Variants in EPN3 observed in about 807,000 individuals in gnomAD.
EPN3 encodes the protein epsin-3.
EPN3 carries 56 observed loss-of-function variants against 55.5 expected under a neutral mutation model. The ratio of observed to expected loss-of-function variants is 1.01; its 90% CI spans 0.81 to 1.26. The LOEUF (loss-of-function observed/expected upper bound fraction) is 1.26, where lower values mean the gene tolerates loss of function less well. Ranked by LOEUF, EPN3 falls within the 50% of genes most tolerant of loss-of-function variation. The probability of loss-of-function intolerance (pLI) is 0.00; values close to 1 mark genes in which losing one functional copy is unlikely to be tolerated. For missense variants in EPN3, 927 were observed against 853.4 expected (o/e 1.09, Z -1.07); for synonymous variants, 449 against 375.2 (o/e 1.20, Z -2.27).
chr17:50,534,357 C>G (rs1051954674), intron 1 of EPN3: 3 of 962,292 alleles, frequency 3.1e-6, no homozygotes, highest in African/African-American at 1.8e-5. Flanking sequence ...CTGGTGCCCC[C>G]ACACAGGCCA....
chr17:50,542,035 C>T lies in EPN3; in HGVS notation c.1777C>T (p.Pro593Ser). The change falls in exon 10 of 10, where the codon CCC becomes TCC. Residue 593 changes from proline (P) to serine (S), a missense_variant. Pro to Ser is a moderately conservative substitution (Grantham distance 74). Transcript: ENST00000268933. Reference sequence around the variant, plus strand: ...CAGCGTGCCAGCTGGCTTGACCCTCCCCGCCTCGGTTAGCGTCTTCCCGCA... The same window carrying T: ...CAGCGTGCCAGCTGGCTTGACCCTCTCCGCCTCGGTTAGCGTCTTCCCGCA... ...LSSVPAGLTL[P>S]ASVSVFPQAG... The T allele has an allele frequency of 6.3e-7, 1 of 1,596,288 alleles. No homozygotes were observed. The highest frequency in any genetic ancestry group is 8.5e-7 in the Non-Finnish European group (1 of 1,178,520).
rs918028790 is a variant in EPN3 at position 50,537,180 on chromosome 17, G to A, written c.562+62G>A. ...TGGCCCGACTTCCATTCCTGGCTCT[G>A]CAATCCAAGCCATGGTTCATAATAC... On this transcript the variant is annotated intron_variant, in intron 2 of 9. Coordinates refer to ENST00000268933, the MANE Select transcript of EPN3 (RefSeq NM_017957.3). 3 of 1,452,894 alleles carry A rather than the reference G, an allele frequency of 2.1e-6. No homozygotes were observed. The African/African-American group carries it at 4.2e-5, about 20-fold the overall frequency. The allele number at this position is 1,452,894 out of a possible 1,614,324, so 90.0% of individuals were successfully genotyped here.
chr17:50,536,979 G>C lies in EPN3; in HGVS notation c.423G>C (p.Arg141=), dbSNP rs779291090. The change falls in exon 2 of 10, where the codon CGG becomes CGC. Residue 141 remains arginine, a synonymous_variant. Coordinates refer to ENST00000268933, the MANE Select transcript of EPN3 (RefSeq NM_017957.3). ...TGCTCAAGGATGAGGAGCGGCTGCGGCAGGAGCGAACCCACGCCCTCAAGA... is the reference window on the plus strand; with the variant it reads ...TGCTCAAGGATGAGGAGCGGCTGCGCCAGGAGCGAACCCACGCCCTCAAGA... ...MALLKDEERL[R]QERTHALKTK... is the part of the protein sequence containing the mutation. 1.2e-6 allele frequency: 2 copies of C among 1,613,814 alleles called. No homozygotes were observed. Among genetic ancestry groups the C allele is most frequent in the East Asian group, 4.5e-5 (2 of 44,888 alleles).
rs147371354 is a variant in EPN3 at position 50,541,584 on chromosome 17, C to A, written c.1475C>A (p.Ala492Asp). 6.2e-7 allele frequency: 1 copy of A among 1,614,190 alleles called. No individual in the cohort carries two copies. The highest frequency in any genetic ancestry group is 1.1e-5 in the South Asian group (1 of 91,088). ...ALTQPSKEAR[A>D]CRTPESFLGP... ...ACCCAGCCAAGCAAAGAGGCCCGAG[C>A]TTGCCGGACTCCCGAGTCCTTCCTG... is the stretch of plus-strand genomic sequence containing the variant. The change falls in exon 9 of 10, where the codon GCT becomes GAT. Residue 492 changes from alanine (A) to aspartate (D), a missense_variant. Physicochemically the swap from Ala to Asp is moderately radical, Grantham distance 126. Transcript: ENST00000268933.
At chr17:50,538,461 A>G (rs973678490) in intron 3 of EPN3, 5 of 518,226 alleles carry the variant, frequency 9.6e-6, no homozygotes, top group Admixed American at 3.5e-5. Context: ...CTACCACCTC[A>G]TGGTGGAGTG....
rs1246592681 is a variant in EPN3 at position 50,542,016 on chromosome 17, G to A, written c.1758G>A (p.Val586=). The change falls in exon 10 of 10, where the codon GTG becomes GTA. Residue 586 remains valine (V), a synonymous_variant. Transcript: ENST00000268933. ...SASLPLPLSS[V]PAGLTLPASV... ...CTCTGCCCCTCCCGCTCAGCAGCGT[G>A]CCAGCTGGCTTGACCCTCCCCGCCT... is the stretch of plus-strand genomic sequence containing the variant. 3 of 1,597,602 alleles carry A rather than the reference G, an allele frequency of 1.9e-6. No homozygotes were observed. The African/African-American group carries it at 4.0e-5, about 21-fold the overall frequency.
chr17:50,538,006 C>A, intron 2 of EPN3, 73 bp from the exon 3 acceptor site: 2 of 1,277,206 alleles, frequency 1.6e-6, no homozygotes, highest in Non-Finnish European at 2.3e-6. Context: ...TGAGCCTCAG[C>A]TTCCTGGCAG....
At position 50,541,929 on chromosome 17, in the gene EPN3, G is replaced by A. The variant is rs112657244; in HGVS notation, c.1671G>A (p.Pro557=). 160,768 of 1,599,510 alleles carry A rather than the reference G, an allele frequency of 0.1. 9,246 individuals carry two copies. Among genetic ancestry groups the A allele is most frequent in the Non-Finnish European group, 0.12 (138,868 of 1,178,168 alleles). Residue 557 remains proline (P), a synonymous_variant, in exon 10 of 10, where the codon CCG becomes CCA. Transcript: ENST00000268933. ...TAAACCAGATGCGCACCGGCTCGCC[G>A]GCGCTGGGCCTGGCAGGCGGGCCTG... ...PTLNQMRTGS[P]ALGLAGGPVG...
At position 50,536,897 on chromosome 17, in the gene EPN3, G is replaced by GC. The variant is rs774446630; in HGVS notation, c.342dup (p.Asp115ArgfsTer23). Reference sequence around the variant, plus strand: ...CTCAAGGACTTCCAGTACATCGACCGCGACGGCAAGGACCAGGGCGTCAAC... The same window carrying GC: ...CTCAAGGACTTCCAGTACATCGACCGCCGACGGCAAGGACCAGGGCGTCAAC... On this transcript the variant is annotated frameshift_variant, in exon 2 of 10. Coordinates refer to ENST00000268933, the MANE Select transcript of EPN3 (RefSeq NM_017957.3). LOFTEE classifies it high-confidence loss of function. 6.2e-7 allele frequency: 1 copy of GC among 1,614,100 alleles called. No individual in the cohort carries two copies. The highest frequency in any genetic ancestry group is 1.1e-5 in the South Asian group (1 of 91,080).
chr17:50,537,108 C>T lies in EPN3; in HGVS notation c.552C>T (p.Ser184=). Residue 184 remains serine, a synonymous_variant, in exon 2 of 10, where the codon TCC becomes TCT. Coordinates refer to ENST00000268933, the MANE Select transcript of EPN3 (RefSeq NM_017957.3). ...EDYSRSRGSP[S]SYNSSSSSPR... is the part of the protein sequence containing the mutation. ...ACAGCCGCTCCCGGGGCTCCCCGTC[C>T]TCCTACAACTGTGAGTAAGCCCCGG... 6.3e-7 allele frequency: 1 copy of T among 1,599,474 alleles called. No homozygotes were observed. Among genetic ancestry groups the T allele is most frequent in the Non-Finnish European group, 8.5e-7 (1 of 1,174,310 alleles).
At chr17:50,538,614 G>A (rs2034798426) in intron 3 of EPN3, 3 of 437,196 alleles carry the variant, frequency 6.9e-6, no homozygotes, top group Non-Finnish European at 1.2e-5. Context: ...GGAAGACCAG[G>A]CAGGAAGCAG....
Position 50,542,031 on chromosome 17 carries a change from C to T in EPN3, c.1773C>T (p.Thr591=). 6.3e-7 allele frequency: 1 copy of T among 1,596,282 alleles called. No homozygotes were observed. The highest frequency in any genetic ancestry group is 8.5e-7 in the Non-Finnish European group (1 of 1,178,458). The change falls in exon 10 of 10, where the codon ACC becomes ACT. Residue 591 remains threonine, a synonymous_variant. Coordinates refer to ENST00000268933, the MANE Select transcript of EPN3 (RefSeq NM_017957.3). ...TCAGCAGCGTGCCAGCTGGCTTGAC[C>T]CTCCCCGCCTCGGTTAGCGTCTTCC... ...LPLSSVPAGL[T]LPASVSVFPQ...
At position 50,542,261 on chromosome 17, in the gene EPN3, C is replaced by T; in HGVS notation, c.*104C>T. 1 of 1,245,184 alleles carries T rather than the reference C, an allele frequency of 8.0e-7. No individual in the cohort carries two copies. The highest frequency in any genetic ancestry group is 1.7e-5 in the South Asian group (1 of 57,388). The allele number at this position is 1,245,184 out of a possible 1,614,324, so 77.1% of individuals were successfully genotyped here. On this transcript the variant is annotated 3_prime_UTR_variant, in exon 10 of 10. Coordinates refer to ENST00000268933, the MANE Select transcript of EPN3 (RefSeq NM_017957.3). ...GCGCCGGTGCTAGTGGAACGCCGAG[C>T]CAGTGGCGGCTGGTATCCCGCGGCG...
At chr17:50,540,442 C>A in intron 6 of EPN3, 108 bp downstream of exon 6, 1 of 1,024,192 alleles carries the variant, frequency 9.8e-7, no homozygotes, top group Non-Finnish European at 1.4e-6. Context: ...TGTCACCGGG[C>A]AAGTCACTCA....
At position 50,538,332 on chromosome 17, in the gene EPN3, T is replaced by A. The variant is rs1459527806; in HGVS notation, c.681+135T>A. On this transcript the variant is annotated intron_variant, in intron 3 of 9. Transcript: ENST00000268933. ...GTGCCCAAGGACAGCACAAGACCCA[T>A]TATCTCTGTCGGTTTGTCGCAGGCA... is the stretch of plus-strand genomic sequence containing the variant. 1.1e-5 allele frequency: 7 copies of A among 650,832 alleles called. No individual in the cohort carries two copies. In the Admixed American group the frequency reaches 2.0e-4, roughly 19 times the overall value. 40.3% of individuals were successfully genotyped at this position (650,832 alleles called of 1,614,324 possible).
rs1231530469 is a variant in EPN3, at chr17:50,536,870, C to A, written c.314C>A (p.Thr105Lys). The A allele has an allele frequency of 6.2e-7, 1 of 1,614,078 alleles. No homozygotes were observed. The highest frequency in any genetic ancestry group is 1.3e-5 in the African/African-American group (1 of 74,924). The change falls in exon 2 of 10, where the codon ACA (threonine) becomes AAA (lysine). Residue 105 changes from threonine (T) to lysine (K), a missense_variant. Coordinates refer to ENST00000268933, the MANE Select transcript of EPN3 (RefSeq NM_017957.3). ...QCRENLYTIQ[T>K]LKDFQYIDRD... ...CGCGAGAACCTCTACACCATCCAGA[C>A]ACTCAAGGACTTCCAGTACATCGAC...
Position 50,532,790 on chromosome 17 carries a change from C to A in EPN3, c.-332C>A. Reference sequence around the variant, plus strand: ...AACGCACGCGGGAAGAGCTGCTACCCATTCCAGGGACCCTGCCGCTGCCCC... The same window carrying A: ...AACGCACGCGGGAAGAGCTGCTACCAATTCCAGGGACCCTGCCGCTGCCCC... On this transcript the variant is annotated 5_prime_UTR_variant, in exon 1 of 10. Coordinates refer to ENST00000268933, the MANE Select transcript of EPN3 (RefSeq NM_017957.3). The A allele has an allele frequency of 1.1e-6, 1 of 887,230 alleles. No individual in the cohort carries two copies. Among genetic ancestry groups the A allele is most frequent in the Non-Finnish European group, 1.5e-6 (1 of 649,336 alleles). The allele number at this position is 887,230 out of a possible 1,614,324, so 55.0% of individuals were successfully genotyped here.
At chr17:50,539,150 C>A in intron 4 of EPN3, 37 bp from the exon 5 acceptor site, 1 of 1,611,628 alleles carries the variant, frequency 6.2e-7, no homozygotes, top group Non-Finnish European at 8.5e-7. Flanking sequence ...CCCGCCTGAG[C>A]TGCTCATGCT....
At chr17:50,538,620 A>G in intron 3 of EPN3, 1 of 439,328 alleles carries the variant, frequency 2.3e-6, no homozygotes, top group Non-Finnish European at 4.1e-6. Context: ...CCAGGCAGGA[A>G]GCAGCTGGGC....
Sources: allele counts gnomAD v4.1 joint callset, GRCh38; gene constraint gnomAD v4.1.1; transcripts MANE v1.5; gene names NCBI Gene and HGNC (gene_info 2026-07-23, HGNC 2026-07-21).